AGAP1: variants seen among roughly 807,000 people sequenced by gnomAD.
The protein encoded by AGAP1 is arf-GAP with GTPase, ANK repeat and PH domain-containing protein 1.
AGAP1 carries 29 observed loss-of-function variants against 105.3 expected under a neutral mutation model. The observed-to-expected ratio is 0.28, with a 90% CI of 0.21 to 0.38. The LOEUF is 0.38. Ranked by LOEUF, AGAP1 falls within the 10% of genes least tolerant of loss-of-function variation. The pLI is 1.00. For missense variants in AGAP1, 998 were observed against 1,165.1 expected (o/e 0.86, Z 2.09); for synonymous variants, 509 against 485.9 (o/e 1.05, Z -0.63).
In AGAP1 at chr2:235,557,678, G is replaced by A. The variant is rs1361359175; in HGVS notation, c.163+62829G>A. ...TGGATAAGGAAACTGAGGCACAGAG[G>A]GTCGAGGAACTTGCTGTGGTACACC... On this transcript the variant is annotated intron_variant, in intron 1 of 17. Coordinates refer to ENST00000304032, the MANE Select transcript of AGAP1 (RefSeq NM_001037131.3). This position sits in a 1 kb window ranked among gnomAD's most constrained non-coding sequence, Gnocchi z 4.7. Among the ~76,000 whole-genome samples the A allele has an allele frequency of 6.6e-6, 1 of 152,120 alleles. No individual in the cohort carries two copies. Among genetic ancestry groups the A allele is most frequent in the Non-Finnish European group, 1.5e-5 (1 of 68,014 alleles).
chr2:236,079,841 C>G (rs1247388428), intron 16 of AGAP1, among the ~76,000 whole-genome samples: 2 of 152,184 alleles, frequency 1.3e-5, no homozygotes, highest in Non-Finnish European at 2.9e-5. Flanking sequence ...GACTAACACT[C>G]AAGGCACTGG....
intron 12 of AGAP1, among the ~76,000 whole-genome samples, chr2:235,948,112 A>G (rs144877842): frequency 6.6e-6 from 1 of 150,546 alleles, no homozygotes; most frequent in Non-Finnish European, 1.5e-5. Flanking sequence ...TACCTGTTCC[A>G]TTTCAGCTTT....
Position 235,719,686 on chromosome 2 carries a change from A to G in AGAP1, c.310+2042A>G, listed in dbSNP as rs547037937. Among the ~76,000 whole-genome samples the G allele has an allele frequency of 1.6e-4, 24 of 152,314 alleles. No homozygotes were observed. The highest frequency in any genetic ancestry group is 5.5e-4 in the African/African-American group (23 of 41,582). On this transcript the variant is annotated intron_variant, in intron 3 of 17. Coordinates refer to ENST00000304032, the MANE Select transcript of AGAP1 (RefSeq NM_001037131.3). The surrounding 1 kb of genome is among the most constrained non-coding windows in gnomAD (Gnocchi z 4.9). The stretch of plus-strand genomic sequence containing the variant: ...TCCCCTCCATGGGGCCCCATGCCCA[A>G]GGCTTCCTGGGTCAGGGGAAAGATC...
chr2:236,026,590 G>A (rs977458701), intron 13 of AGAP1, among the ~76,000 whole-genome samples: 2 of 152,094 alleles, frequency 1.3e-5, no homozygotes, highest in African/African-American at 4.8e-5. Context: ...TTAGCTGGGC[G>A]TGGTGGCAGG....
rs1159257245 is a variant in AGAP1, at chr2:236,113,472, G to C, written c.2115-6720G>C. 6.6e-6 allele frequency among the ~76,000 whole-genome samples: 1 copy of C among 152,218 alleles called. No homozygotes were observed. Among genetic ancestry groups the C allele is most frequent in the African/African-American group, 2.4e-5 (1 of 41,452 alleles). On this transcript the variant is annotated intron_variant, in intron 16 of 17. Transcript: ENST00000304032. This position sits in a 1 kb window ranked among gnomAD's most constrained non-coding sequence, Gnocchi z 4.3. ...TTTTTTAAAATGTGTACATGCTTGA[G>C]GGTGTTACCAGGAATGATCAATAAA...
At chr2:235,767,067 C>T (rs1292064494) in intron 6 of AGAP1, among the ~76,000 whole-genome samples, 3 of 152,012 alleles carry the variant, frequency 2.0e-5, no homozygotes, top group South Asian at 2.1e-4. Context: ...CCCGCCACCA[C>T]GCCTGGCTAA....
chr2:236,102,392 TG>T (rs1446867704), intron 16 of AGAP1, among the ~76,000 whole-genome samples: 1 of 127,652 alleles, frequency 7.8e-6, no homozygotes, highest in African/African-American at 3.1e-5. Flanking sequence ...CACTCCAGCC[TG>T]GGCGACAGAG....
At chr2:235,805,707 G>A (rs1957802876) in intron 8 of AGAP1, among the ~76,000 whole-genome samples, 1 of 152,072 alleles carries the variant, frequency 6.6e-6, no homozygotes, top group African/African-American at 2.4e-5. Context: ...TAATTAAAAA[G>A]AAAAATGAGC....
At chr2:235,647,071 G>A (rs1490668138) in intron 1 of AGAP1, among the ~76,000 whole-genome samples, 1 of 150,958 alleles carries the variant, frequency 6.6e-6, no homozygotes, top group Non-Finnish European at 1.5e-5. Context: ...GGGAGGTGGA[G>A]CTTGCAGTGA....
intron 9 of AGAP1, among the ~76,000 whole-genome samples, chr2:235,848,615 G>A (rs930528553): frequency 9.2e-5 from 14 of 152,140 alleles, no homozygotes; most frequent in Non-Finnish European, 1.8e-4. Flanking sequence ...TAGTTTGCTC[G>A]GAAGGTACTA....
At position 235,751,420 on chromosome 2, in the gene AGAP1, A is replaced by G. The variant is rs1052581360; in HGVS notation, c.673+932A>G. On this transcript the variant is annotated intron_variant, in intron 6 of 17. Transcript: ENST00000304032. The surrounding 1 kb of genome is among the most constrained non-coding windows in gnomAD (Gnocchi z 5.3). ...TGGTGCCCAGGGGGTTGTCGGGGGCAGAGCAGGGCAGCCACACTCGGGCTC... is the reference window on the plus strand; with the variant it reads ...TGGTGCCCAGGGGGTTGTCGGGGGCGGAGCAGGGCAGCCACACTCGGGCTC... Among the ~76,000 whole-genome samples the G allele has an allele frequency of 2.0e-5, 3 of 152,072 alleles. No homozygotes were observed. The highest frequency in any genetic ancestry group is 6.6e-5 in the Admixed American group (1 of 15,262).
At position 235,957,657 on chromosome 2, in the gene AGAP1, G is replaced by T. The variant is rs1274458251; in HGVS notation, c.1484-10805G>T. On this transcript the variant is annotated intron_variant, in intron 12 of 17. Coordinates refer to ENST00000304032, the MANE Select transcript of AGAP1 (RefSeq NM_001037131.3). The surrounding 1 kb of genome is among the most constrained non-coding windows in gnomAD (Gnocchi z 4.6). ...CCTTTTAACAGAGACCCAGGATGTT[G>T]TGATTTCCTTGGATGGCAAAGGTGG... Among the ~76,000 whole-genome samples the T allele has an allele frequency of 3.3e-5, 5 of 152,234 alleles. No individual in the cohort carries two copies. In the East Asian group the frequency reaches 9.6e-4, roughly 29 times the overall value.
chr2:235,557,771 G>T lies in AGAP1; in HGVS notation c.163+62922G>T, dbSNP rs573308627. On this transcript the variant is annotated intron_variant, in intron 1 of 17. Transcript: ENST00000304032. This position sits in a 1 kb window ranked among gnomAD's most constrained non-coding sequence, Gnocchi z 4.7. ...ATGGCCGTGTGCACCTTCATGGTAC[G>T]TGCTGGGGTTGTGCCTTATGAAAAC... Among the ~76,000 whole-genome samples, 2 of 152,190 alleles carry T rather than the reference G, an allele frequency of 1.3e-5. No individual in the cohort carries two copies. The highest frequency in any genetic ancestry group is 1.9e-4 in the East Asian group (1 of 5,192).
rs1432674654 is a variant in AGAP1, at chr2:235,801,725, C to G, written c.957+2203C>G. On this transcript the variant is annotated intron_variant, in intron 8 of 17. Transcript: ENST00000304032. This position sits in a 1 kb window ranked among gnomAD's most constrained non-coding sequence, Gnocchi z 6.0. The stretch of plus-strand genomic sequence containing the variant: ...GGCTGTGGGCAGGCGGCCTGTGCCC[C>G]GGGAGGAGGGGCGGGCTTGTCATCG... Among the ~76,000 whole-genome samples the G allele has an allele frequency of 6.6e-6, 1 of 152,004 alleles. No homozygotes were observed. Among genetic ancestry groups the G allele is most frequent in the Non-Finnish European group, 1.5e-5 (1 of 68,002 alleles).
At chr2:235,671,020 G>T (rs1421346707) in intron 1 of AGAP1, 44 of 1,309,878 alleles carry the variant, frequency 3.4e-5, no homozygotes, top group Non-Finnish European at 4.0e-5. Flanking sequence ...AAGCGCACTC[G>T]TCCAGCGCCG....
At chr2:235,943,834 C>T (rs909935888) in intron 12 of AGAP1, among the ~76,000 whole-genome samples, 1 of 152,050 alleles carries the variant, frequency 6.6e-6, no homozygotes, top group African/African-American at 2.4e-5. Flanking sequence ...CCAGCTTCTC[C>T]GTTAGGATTT....
intron 1 of AGAP1, among the ~76,000 whole-genome samples, chr2:235,666,797 G>A (rs896568082): frequency 6.6e-6 from 1 of 151,882 alleles, no homozygotes; most frequent in African/African-American, 2.4e-5. Context: ...CTCTATGAAT[G>A]CTTCAGATAA....
Position 235,569,187 on chromosome 2 carries a change from C to T in AGAP1, c.163+74338C>T, listed in dbSNP as rs545765651. Among the ~76,000 whole-genome samples the T allele has an allele frequency of 1.4e-3, 219 of 152,192 alleles. No individual in the cohort carries two copies. Among genetic ancestry groups the T allele is most frequent in the African/African-American group, 4.9e-3 (205 of 41,532 alleles). ...AAAATTAGCTGGGTGTGGTGGCGGG[C>T]GCCTGTAGTCCCAGCTACTTGGGAG... On this transcript the variant is annotated intron_variant, in intron 1 of 17. Transcript: ENST00000304032. This position sits in a 1 kb window ranked among gnomAD's most constrained non-coding sequence, Gnocchi z 5.9.
intron 1 of AGAP1, among the ~76,000 whole-genome samples, chr2:235,588,369 C>T (rs181012538): frequency 6.6e-6 from 1 of 152,242 alleles, no homozygotes; most frequent in African/African-American, 2.4e-5. Context: ...TTCTTCTCCT[C>T]CACTTCTCTA....
Sources: allele counts gnomAD v4.1 joint callset (sites outside exome capture counted in the v4.1 genomes callset), GRCh38; gene constraint gnomAD v4.1.1; non-coding constraint Gnocchi (gnomAD v3.1); transcripts MANE v1.5; gene names NCBI Gene and HGNC (gene_info 2026-07-23, HGNC 2026-07-21).